Variants in NXPH1 observed in about 807,000 individuals in gnomAD.
NXPH1 encodes neurexophilin-1.
NXPH1 carries 5 observed loss-of-function variants against 23.7 expected under a neutral mutation model. The observed-to-expected ratio is 0.21, with a 90% CI of 0.11 to 0.44. The LOEUF is 0.44. Among genes scored for constraint, NXPH1 ranks in the 20% least tolerant of loss-of-function variants. The probability of loss-of-function intolerance (pLI) is 0.99; values close to 1 mark genes in which losing one functional copy is unlikely to be tolerated. For missense variants in NXPH1, 324 were observed against 321.6 expected (o/e 1.01, Z -0.06); for synonymous variants, 144 against 122.2 (o/e 1.18, Z -1.18).
chr7:8,711,615 G>A (rs1276500164), intron 2 of NXPH1, among the ~76,000 whole-genome samples: 1 of 152,156 alleles, frequency 6.6e-6, no homozygotes, highest in Non-Finnish European at 1.5e-5. Context: ...GAGTATGCAT[G>A]CTTTTTTTGG....
chr7:8,616,056 C>G lies in NXPH1; in HGVS notation c.55-134952C>G, dbSNP rs577792662. ...TTATATTAGATCTCTGCTCAAATCC[C>G]TCTCATCATGACTTCATTACATCTC... is the stretch of plus-strand genomic sequence containing the variant. On this transcript the variant is annotated intron_variant, in intron 2 of 2. Transcript: ENST00000405863. Among the ~76,000 whole-genome samples, 8 of 152,098 alleles carry G rather than the reference C, an allele frequency of 5.3e-5. No homozygotes were observed. In the East Asian group the frequency reaches 1.2e-3, roughly 22 times the overall value.
chr7:8,655,518 A>G (rs541806732), intron 2 of NXPH1, among the ~76,000 whole-genome samples: 2 of 150,888 alleles, frequency 1.3e-5, no homozygotes, highest in East Asian at 2.0e-4. Flanking sequence ...ACACACACGC[A>G]CACATGCTTT....
At chr7:8,464,746 G>A (rs902258666) in intron 2 of NXPH1, among the ~76,000 whole-genome samples, 12 of 137,544 alleles carry the variant, frequency 8.7e-5, no homozygotes, top group Non-Finnish European at 1.9e-4. Flanking sequence ...AATGTGTAAT[G>A]CGTGTAGTGT....
intron 2 of NXPH1, among the ~76,000 whole-genome samples, chr7:8,550,714 A>G (rs1166734585): frequency 1.3e-5 from 2 of 151,650 alleles, no homozygotes; most frequent in Non-Finnish European, 3.0e-5. Context: ...AGCTATAGTT[A>G]TATCTATAAC....
chr7:8,723,354 G>A (rs555005846), intron 2 of NXPH1, among the ~76,000 whole-genome samples: 6 of 152,200 alleles, frequency 3.9e-5, no homozygotes, highest in Non-Finnish European at 7.4e-5. Flanking sequence ...GAAATTCAAG[G>A]AAGAAAATGT....
intron 2 of NXPH1, among the ~76,000 whole-genome samples, chr7:8,503,269 A>C (rs62448064): frequency 0.45 from 68,211 of 151,790 alleles, 16,188 homozygotes; most frequent in Non-Finnish European, 0.53. Flanking sequence ...CAGAAAGGTG[A>C]AACAACTTGC....
At chr7:8,501,160 C>G (rs1817424964) in intron 2 of NXPH1, among the ~76,000 whole-genome samples, 1 of 152,008 alleles carries the variant, frequency 6.6e-6, no homozygotes, top group South Asian at 2.1e-4. Flanking sequence ...TGTCATCTAG[C>G]TCTTTTGAGC....
At chr7:8,557,707 T>C (rs1010831272) in intron 2 of NXPH1, among the ~76,000 whole-genome samples, 3 of 151,688 alleles carry the variant, frequency 2.0e-5, no homozygotes, top group Admixed American at 1.3e-4. Context: ...AAGTAGCTGC[T>C]ACCTTCTAAA....
chr7:8,503,756 A>G (rs1817476113), intron 2 of NXPH1, among the ~76,000 whole-genome samples: 1 of 152,012 alleles, frequency 6.6e-6, no homozygotes, highest in Non-Finnish European at 1.5e-5. Flanking sequence ...GCCTATGAAC[A>G]CGGCCTGCCT....
intron 2 of NXPH1, among the ~76,000 whole-genome samples, chr7:8,704,037 A>G (rs1006907794): frequency 1.3e-5 from 2 of 152,204 alleles, no homozygotes; most frequent in Non-Finnish European, 2.9e-5. Context: ...TTATATCAAA[A>G]GTTTCAAGGG....
At chr7:8,524,897 T>A (rs1417558419) in intron 2 of NXPH1, among the ~76,000 whole-genome samples, 1 of 152,232 alleles carries the variant, frequency 6.6e-6, no homozygotes, top group African/African-American at 2.4e-5. Context: ...GTCTCAGATA[T>A]GTCTTTATCA....
At chr7:8,576,118 A>T (rs1039787785) in intron 2 of NXPH1, among the ~76,000 whole-genome samples, 2 of 152,186 alleles carry the variant, frequency 1.3e-5, no homozygotes, top group Non-Finnish European at 2.9e-5. Flanking sequence ...GAAGAGAGAT[A>T]TGCCTTTTAT....
chr7:8,509,685 G>A (rs939933198), intron 2 of NXPH1, among the ~76,000 whole-genome samples: 1 of 152,060 alleles, frequency 6.6e-6, no homozygotes, highest in African/African-American at 2.4e-5. Context: ...GACTAGGAAA[G>A]TCAGGCGTGA....
rs769512362 is a variant in NXPH1, at chr7:8,571,413, A to G, written c.54+135646A>G. On this transcript the variant is annotated intron_variant, in intron 2 of 2. Coordinates refer to ENST00000405863, the MANE Select transcript of NXPH1 (RefSeq NM_152745.3). The stretch of plus-strand genomic sequence containing the variant: ...GTGGATGGCAATGGGAAACACAGGA[A>G]AAGGGGAAATTTGGGGGGAACAGAG... Among the ~76,000 whole-genome samples the G allele has an allele frequency of 9.9e-5, 15 of 151,936 alleles. 1 individual carries two copies. The highest frequency in any genetic ancestry group is 1.9e-4 in the Non-Finnish European group (13 of 67,872).
intron 2 of NXPH1, among the ~76,000 whole-genome samples, chr7:8,529,485 T>G (rs1817918904): frequency 6.6e-6 from 1 of 152,118 alleles, no homozygotes; most frequent in African/African-American, 2.4e-5. Context: ...ATGATAAGGG[T>G]TCACACCTGC....
At chr7:8,448,272 A>G (rs1293547109) in intron 2 of NXPH1, among the ~76,000 whole-genome samples, 1 of 152,260 alleles carries the variant, frequency 6.6e-6, no homozygotes, top group Non-Finnish European at 1.5e-5. Context: ...GGTGACTGGT[A>G]CAATGCAATG....
At chr7:8,678,173 G>A (rs1019535187) in intron 2 of NXPH1, among the ~76,000 whole-genome samples, 2 of 151,996 alleles carry the variant, frequency 1.3e-5, no homozygotes, top group African/African-American at 4.8e-5. Flanking sequence ...GTTTTAGGTC[G>A]CTAGTACACT....
intron 2 of NXPH1, among the ~76,000 whole-genome samples, chr7:8,728,817 C>T (rs1238748106): frequency 2.0e-5 from 3 of 152,302 alleles, no homozygotes; most frequent in African/African-American, 7.2e-5. Flanking sequence ...GGTTGTGTCT[C>T]TGCCTGAGTT....
At chr7:8,687,361 C>G (rs143056398) in intron 2 of NXPH1, among the ~76,000 whole-genome samples, 23 of 152,042 alleles carry the variant, frequency 1.5e-4, no homozygotes, top group African/African-American at 1.2e-4. Flanking sequence ...TTCATCAAAT[C>G]TTTTAATATT....
Sources: allele counts gnomAD v4.1 joint callset (sites outside exome capture counted in the v4.1 genomes callset), GRCh38; gene constraint gnomAD v4.1.1; transcripts MANE v1.5; gene names NCBI Gene and HGNC (gene_info 2026-07-23, HGNC 2026-07-21).